Variants in PDE4D observed in about 807,000 individuals in gnomAD.
PDE4D encodes the protein phosphodiesterase 4D.
A neutral mutation model predicts 87.4 loss-of-function variants in PDE4D; 24 were observed. That is an observed-to-expected ratio of 0.27 (90% CI 0.20 to 0.39). PDE4D has a LOEUF of 0.39. PDE4D is among the 10% of genes least tolerant of loss of function. The pLI, the probability that PDE4D is intolerant of heterozygous loss-of-function variation, is 1.00. For synonymous variants in PDE4D, 384 were observed against 383.2 expected (o/e 1.00, Z -0.02); for missense variants, 714 against 1,041.0 (o/e 0.69, Z 4.32).
intron 1 of PDE4D, among the ~76,000 whole-genome samples, chr5:60,336,842 G>T (rs1757795251): frequency 1.3e-5 from 2 of 152,046 alleles, no homozygotes; most frequent in African/African-American, 4.8e-5. Context: ...TAAAATACAG[G>T]ATGCCCAATT....
chr5:59,178,129 A>G (rs981467711), intron 5 of PDE4D, among the ~76,000 whole-genome samples: 2 of 152,070 alleles, frequency 1.3e-5, no homozygotes, highest in Non-Finnish European at 2.9e-5. Flanking sequence ...CATTATTATT[A>G]CTAGCACTGA....
intron 3 of PDE4D, among the ~76,000 whole-genome samples, chr5:59,960,237 T>C (rs1375228037): frequency 2.6e-5 from 4 of 152,162 alleles, no homozygotes; most frequent in Admixed American, 2.6e-4. Flanking sequence ...GGAATGGTTG[T>C]ACACTGTTTG....
intron 1 of PDE4D, among the ~76,000 whole-genome samples, chr5:59,592,351 G>A (rs1826035440): frequency 6.6e-6 from 1 of 152,170 alleles, no homozygotes. Flanking sequence ...AGTTTCAGTT[G>A]CTGAGAGTCA....
At chr5:60,353,854 T>C (rs1759391874) in intron 1 of PDE4D, among the ~76,000 whole-genome samples, 5 of 152,174 alleles carry the variant, frequency 3.3e-5, no homozygotes, top group Non-Finnish European at 5.9e-5. Context: ...AGAAATTCAC[T>C]GGGCCAGGGT....
chr5:60,391,371 G>T (rs757861110), intron 1 of PDE4D, among the ~76,000 whole-genome samples: 3 of 152,048 alleles, frequency 2.0e-5, no homozygotes, highest in Non-Finnish European at 4.4e-5. Flanking sequence ...ACCATTAGTG[G>T]CATAAAACAA....
At chr5:59,500,432 GA>G (rs1239183588) in intron 1 of PDE4D, among the ~76,000 whole-genome samples, 2 of 152,144 alleles carry the variant, frequency 1.3e-5, no homozygotes, top group South Asian at 4.1e-4. Context: ...GCCATAAAAA[GA>G]TGAAATCATG....
At chr5:59,185,705 A>G (rs1742750405) in intron 3 of PDE4D, among the ~76,000 whole-genome samples, 1 of 152,224 alleles carries the variant, frequency 6.6e-6, no homozygotes, top group South Asian at 2.1e-4. Context: ...AAGTGAAGTG[A>G]ATTTTAAACT....
At chr5:59,656,378 G>A (rs1016837518) in intron 1 of PDE4D, among the ~76,000 whole-genome samples, 4 of 152,208 alleles carry the variant, frequency 2.6e-5, no homozygotes, top group Non-Finnish European at 5.9e-5. Flanking sequence ...GAAGTTATGT[G>A]ACAAGGACAC....
At chr5:59,421,947 A>C (rs1426241915) in intron 1 of PDE4D, among the ~76,000 whole-genome samples, 3 of 152,162 alleles carry the variant, frequency 2.0e-5, no homozygotes, top group Non-Finnish European at 4.4e-5. Context: ...ATGGTTTAAA[A>C]CATAGGCTTC....
intron 3 of PDE4D, among the ~76,000 whole-genome samples, chr5:59,918,656 G>A (rs1166432887): frequency 3.3e-5 from 5 of 152,168 alleles, no homozygotes; most frequent in Admixed American, 2.6e-4. Context: ...AGGTAGTAGC[G>A]AACTGAGGAT....
chr5:60,320,283 T>G (rs540546381), intron 1 of PDE4D, among the ~76,000 whole-genome samples: 55 of 152,226 alleles, frequency 3.6e-4, no homozygotes, highest in Non-Finnish European at 7.1e-4. Context: ...CTCTGAGCCA[T>G]GCACGGGATA....
intron 1 of PDE4D, among the ~76,000 whole-genome samples, chr5:59,253,650 A>G (rs1243100757): frequency 6.6e-6 from 1 of 152,186 alleles, no homozygotes; most frequent in African/African-American, 2.4e-5. Flanking sequence ...AAATTATTTT[A>G]CATTATTAAA....
Position 60,455,969 on chromosome 5 carries a change from TC to T in PDE4D, c.-90+31972del, listed in dbSNP as rs371417848. Among the ~76,000 whole-genome samples the T allele has an allele frequency of 3.7e-3, 560 of 152,266 alleles. 2 individuals carry two copies. The highest frequency in any genetic ancestry group is 0.013 in the African/African-American group (538 of 41,564). ...CAGGGTTCTCCAGCCAGTAGCCCACTCCCTTCTCTTCTCTTCCCCACCTTCA... is the reference window on the plus strand; with the variant it reads ...CAGGGTTCTCCAGCCAGTAGCCCACTCCTTCTCTTCTCTTCCCCACCTTCA... On this transcript the variant is annotated intron_variant, in intron 1 of 16. Transcript: ENST00000502484.
At chr5:59,133,225 C>G (rs1376297229) in intron 5 of PDE4D, among the ~76,000 whole-genome samples, 3 of 152,122 alleles carry the variant, frequency 2.0e-5, no homozygotes, top group Non-Finnish European at 4.4e-5. Context: ...CACTACAATT[C>G]ATAGCTAGGA....
chr5:60,388,534 G>GC (rs1190992984), intron 1 of PDE4D, among the ~76,000 whole-genome samples: 3 of 152,194 alleles, frequency 2.0e-5, no homozygotes, highest in African/African-American at 7.2e-5. Flanking sequence ...CCCTCTCTGT[G>GC]TCCATGTGTT....
chr5:60,188,864 A>G (rs1784992740), intron 1 of PDE4D, among the ~76,000 whole-genome samples: 1 of 152,198 alleles, frequency 6.6e-6, no homozygotes, highest in African/African-American at 2.4e-5. Context: ...CTACTCTTCC[A>G]TAGTGCTTTG....
At chr5:59,151,410 G>T (rs555733770) in intron 5 of PDE4D, among the ~76,000 whole-genome samples, 132 of 152,294 alleles carry the variant, frequency 8.7e-4, no homozygotes, top group African/African-American at 2.6e-3. Context: ...TGACTAACAT[G>T]TAGAAATTGT....
chr5:60,246,764 C>G (rs915367011), intron 1 of PDE4D, among the ~76,000 whole-genome samples: 1 of 151,754 alleles, frequency 6.6e-6, no homozygotes, highest in Non-Finnish European at 1.5e-5. Flanking sequence ...TTTGCTAACT[C>G]TCACTTGTGG....
intron 2 of PDE4D, among the ~76,000 whole-genome samples, chr5:59,992,258 T>A (rs1445727547): frequency 1.3e-5 from 2 of 152,206 alleles, no homozygotes; most frequent in Non-Finnish European, 2.9e-5. Context: ...TGTTACAACA[T>A]GCTTCTACAG....
Sources: allele counts gnomAD v4.1 joint callset (sites outside exome capture counted in the v4.1 genomes callset), GRCh38; gene constraint gnomAD v4.1.1; transcripts MANE v1.5; gene names NCBI Gene and HGNC (gene_info 2026-07-23, HGNC 2026-07-21).